Variants in SNX29 observed in about 807,000 individuals in gnomAD.
SNX29 encodes the protein sorting nexin-29.
A neutral mutation model predicts 102.1 loss-of-function variants in SNX29; 78 were observed. The observed-to-expected ratio is 0.76, with a 90% confidence interval of 0.64 to 0.92. The LOEUF (loss-of-function observed/expected upper bound fraction) is 0.92, where lower values mean the gene tolerates loss of function less well. Among genes scored for constraint, SNX29 ranks in the 40% least tolerant of loss-of-function variants. The pLI, the probability that SNX29 is intolerant of heterozygous loss-of-function variation, is 0.00. For synonymous variants in SNX29, 580 were observed against 414.5 expected, an observed-to-expected ratio of 1.40 and a Z score of -4.85; for missense variants, 1,280 against 1,061.7, an observed-to-expected ratio of 1.21 and a Z score of -2.86.
intron 20 of SNX29, among the ~76,000 whole-genome samples, chr16:12,540,895 G>T (rs1378342568): frequency 2.6e-5 from 4 of 152,212 alleles, no homozygotes; most frequent in Non-Finnish European, 1.5e-5. Context: ...CAGAGCTGGA[G>T]GGCTTCTCTG....
chr16:12,463,566 C>A lies in SNX29; in HGVS notation c.2038-14153C>A, dbSNP rs187683528. On this transcript the variant is annotated intron_variant, in intron 18 of 20. Coordinates refer to ENST00000566228, the MANE Select transcript of SNX29 (RefSeq NM_032167.5). Reference sequence around the variant, plus strand: ...ATGAGAAAGACCTGCCCCTGTGATTCAATTATCTCCCACCGGGCCCCTCCC... The same window carrying A: ...ATGAGAAAGACCTGCCCCTGTGATTAAATTATCTCCCACCGGGCCCCTCCC... Among the ~76,000 whole-genome samples, 1,056 of 152,228 alleles carry A rather than the reference C, an allele frequency of 6.9e-3. 9 individuals carry two copies. Among genetic ancestry groups the A allele is most frequent in the Non-Finnish European group, 0.011 (755 of 68,022 alleles).
intron 20 of SNX29, among the ~76,000 whole-genome samples, chr16:12,534,227 C>T (rs564979973): frequency 5.9e-4 from 90 of 152,322 alleles, no homozygotes; most frequent in African/African-American, 1.7e-3. Flanking sequence ...TTGGAGTAAT[C>T]GTCGGGCTAG....
At chr16:12,089,886 G>T (rs767315350) in intron 11 of SNX29, 11 of 352,416 alleles carry the variant, frequency 3.1e-5, no homozygotes, top group Non-Finnish European at 6.0e-5. Context: ...AGGCAGTGCT[G>T]AGGGCTCCCC....
chr16:12,387,094 C>T (rs1481945082), intron 16 of SNX29, among the ~76,000 whole-genome samples: 2 of 151,122 alleles, frequency 1.3e-5, no homozygotes, highest in Non-Finnish European at 1.5e-5. Flanking sequence ...CACTGTATTC[C>T]AGCCTGGGCG....
At chr16:12,013,213 C>G (rs1337910915) in intron 3 of SNX29, among the ~76,000 whole-genome samples, 1 of 151,336 alleles carries the variant, frequency 6.6e-6, no homozygotes, top group Non-Finnish European at 1.5e-5. Flanking sequence ...ACAGCAAAGC[C>G]AAATAGCCAG....
intron 19 of SNX29, among the ~76,000 whole-genome samples, chr16:12,516,820 A>C (rs532347530): frequency 1.7e-3 from 252 of 152,294 alleles, no homozygotes; most frequent in African/African-American, 5.8e-3. Flanking sequence ...GCAAAGACAC[A>C]CTTGTCAGAA....
intron 15 of SNX29, among the ~76,000 whole-genome samples, chr16:12,320,207 G>A (rs371852054): frequency 1.1e-4 from 16 of 152,288 alleles, no homozygotes; most frequent in East Asian, 3.9e-4. Flanking sequence ...CCTCTGTGCA[G>A]GTGTCCTTCC....
At chr16:12,247,115 C>G (rs542122144) in intron 14 of SNX29, among the ~76,000 whole-genome samples, 4 of 152,166 alleles carry the variant, frequency 2.6e-5, no homozygotes, top group African/African-American at 9.6e-5. Context: ...TGGTATCAGC[C>G]CTGCATTTTA....
chr16:12,556,507 G>T (rs141579880), intron 20 of SNX29: 3 of 152,318 alleles, frequency 2.0e-5, no homozygotes, highest in African/African-American at 7.2e-5. Context: ...GGCAGTCCCC[G>T]TGTTGCCAGA....
rs1344631828 is a variant in SNX29, at chr16:12,235,088, C to T, written c.1678+35405C>T. On this transcript the variant is annotated intron_variant, in intron 14 of 20. Transcript: ENST00000566228. The stretch of plus-strand genomic sequence containing the variant: ...TCTCTGTCCTGCCCTTATTCTGTCC[C>T]TCTGTGTCTTTTTTTTCATTTTTCT... Among the ~76,000 whole-genome samples the T allele has an allele frequency of 2.0e-5, 3 of 152,020 alleles. No homozygotes were observed. The East Asian group carries it at 5.8e-4, about 29-fold the overall frequency.
At chr16:12,558,948 C>A (rs1317339563) in intron 20 of SNX29, among the ~76,000 whole-genome samples, 1 of 152,184 alleles carries the variant, frequency 6.6e-6, no homozygotes, top group Admixed American at 6.5e-5. Context: ...GATATCGGCC[C>A]CATGTTTCAG....
intron 15 of SNX29, among the ~76,000 whole-genome samples, chr16:12,315,051 T>C (rs1260502680): frequency 6.6e-6 from 1 of 152,218 alleles, no homozygotes; most frequent in Admixed American, 6.5e-5. Flanking sequence ...GCACATATCT[T>C]AATTATGACT....
intron 3 of SNX29, among the ~76,000 whole-genome samples, chr16:12,008,222 G>A (rs1382393556): frequency 6.6e-6 from 1 of 152,006 alleles, no homozygotes; most frequent in Non-Finnish European, 1.5e-5. Context: ...GGGATTACAG[G>A]CGTGAGCCAC....
intron 16 of SNX29, among the ~76,000 whole-genome samples, chr16:12,382,889 A>G (rs1419268748): frequency 1.3e-5 from 2 of 151,360 alleles, no homozygotes; most frequent in Non-Finnish European, 2.9e-5. Context: ...GACACCTGCC[A>G]TGGGATTTAG....
At chr16:12,278,817 G>GT (rs1218060094) in intron 15 of SNX29, among the ~76,000 whole-genome samples, 15 of 152,104 alleles carry the variant, frequency 9.9e-5, no homozygotes, top group Non-Finnish European at 2.1e-4. Context: ...AAAACATAGG[G>GT]TTTATTTAGG....
At chr16:12,209,883 C>T (rs563814147) in intron 14 of SNX29, among the ~76,000 whole-genome samples, 31 of 152,324 alleles carry the variant, frequency 2.0e-4, no homozygotes, top group African/African-American at 7.0e-4. Flanking sequence ...TCATAAGAGC[C>T]TGCCCATCTG....
intron 11 of SNX29, among the ~76,000 whole-genome samples, chr16:12,117,042 C>A (rs1462393151): frequency 6.8e-6 from 1 of 146,672 alleles, no homozygotes; most frequent in Non-Finnish European, 1.5e-5. Flanking sequence ...TGGAAACAGG[C>A]GTGTTCAATA....
intron 1 of SNX29, among the ~76,000 whole-genome samples, chr16:11,980,477 A>G (rs1465196685): frequency 1.3e-5 from 2 of 152,164 alleles, no homozygotes; most frequent in African/African-American, 4.8e-5. Context: ...ATGAACGTTC[A>G]CGCACATGTT....
At chr16:12,551,232 T>C (rs561175819) in intron 20 of SNX29, among the ~76,000 whole-genome samples, 5 of 152,274 alleles carry the variant, frequency 3.3e-5, no homozygotes, top group Admixed American at 2.0e-4. Context: ...TGCCATCTTC[T>C]GAGGACAGTC....
Sources: gnomAD v4.1 joint callset for allele counts (sites outside exome capture counted in the v4.1 genomes callset) on GRCh38, gnomAD v4.1.1 for gene constraint, MANE v1.5 for transcripts, NCBI Gene and HGNC (gene_info 2026-07-23, HGNC 2026-07-21) for gene names.